Variants in DNAJC1 observed in about 807,000 individuals in gnomAD.
The protein encoded by DNAJC1 is dnaJ homolog subfamily C member 1.
DNAJC1 carries 58 observed loss-of-function variants against 76.6 expected under a neutral mutation model. The ratio of observed to expected loss-of-function variants is 0.76; its 90% CI spans 0.61 to 0.94. DNAJC1 has a LOEUF of 0.94. Ranked by LOEUF, DNAJC1 falls within the 40% of genes least tolerant of loss-of-function variation. The pLI is 0.00. For missense variants in DNAJC1, 689 were observed against 677.3 expected (o/e 1.02, Z -0.19); for synonymous variants, 258 against 267.9 (o/e 0.96, Z 0.36).
rs570812020 is a variant in DNAJC1, at chr10:21,926,673, G to A, written c.371+1833C>T. Among the ~76,000 whole-genome samples the A allele has an allele frequency of 6.1e-4, 93 of 152,266 alleles. 1 individual carries two copies. The highest frequency in any genetic ancestry group is 2.2e-3 in the African/African-American group (91 of 41,560). ...CTGGCCTCAGGCACAAGCTTTAGAG[G>A]AGTGATTCTTAGCTTCATTAGTTAA... On this transcript the variant is annotated intron_variant, in intron 3 of 11. Transcript: ENST00000376980.
chr10:21,818,090 G>A (rs185481574), intron 8 of DNAJC1, among the ~76,000 whole-genome samples: 139 of 152,280 alleles, frequency 9.1e-4, no homozygotes, highest in African/African-American at 2.5e-3. Context: ...CTGGTGAGCC[G>A]GGCGGAACAG....
intron 6 of DNAJC1, among the ~76,000 whole-genome samples, chr10:21,912,998 T>C (rs1189720018): frequency 6.6e-6 from 1 of 151,954 alleles, no homozygotes; most frequent in Non-Finnish European, 1.5e-5. Flanking sequence ...TTTTTTTTTT[T>C]TTTTTTAGGT....
intron 9 of DNAJC1, among the ~76,000 whole-genome samples, chr10:21,778,712 C>A (rs557654176): frequency 7.6e-4 from 116 of 152,256 alleles, no homozygotes; most frequent in African/African-American, 2.6e-3. Flanking sequence ...ATTGAGATAC[C>A]AGGTTCATCT....
chr10:21,774,439 T>TC (rs1834428481), intron 9 of DNAJC1, among the ~76,000 whole-genome samples: 1 of 152,216 alleles, frequency 6.6e-6, no homozygotes, highest in African/African-American at 2.4e-5. Context: ...CTACAGCCTT[T>TC]CATACACATT....
chr10:21,774,565 C>T (rs1331671048), intron 9 of DNAJC1, among the ~76,000 whole-genome samples: 5 of 152,350 alleles, frequency 3.3e-5, no homozygotes, highest in Admixed American at 6.5e-5. Context: ...AGCTCCGCCT[C>T]CTGGGTTCAT....
chr10:21,927,603 T>A (rs1837150445), intron 3 of DNAJC1, among the ~76,000 whole-genome samples: 2 of 152,058 alleles, frequency 1.3e-5, no homozygotes, highest in Admixed American at 6.5e-5. Context: ...TTTTAAAAAA[T>A]AAATAAATAA....
chr10:21,769,258 C>T (rs1297075875), intron 9 of DNAJC1, among the ~76,000 whole-genome samples: 1 of 152,152 alleles, frequency 6.6e-6, no homozygotes, highest in Non-Finnish European at 1.5e-5. Flanking sequence ...TAGAAACTGA[C>T]CACGCAACAA....
At chr10:21,887,526 T>A (rs1396860458) in intron 7 of DNAJC1, among the ~76,000 whole-genome samples, 1 of 152,022 alleles carries the variant, frequency 6.6e-6, no homozygotes, top group African/African-American at 2.4e-5. Context: ...ATGGTACTGG[T>A]ACAAAAACAG....
rs33953332 is a variant in DNAJC1 at position 21,849,292 on chromosome 10, C to CAAAA, written c.978+32986_978+32989dup. On this transcript the variant is annotated intron_variant, in intron 8 of 11. Transcript: ENST00000376980. ...TGGGTGACAGAGTGGGACTCCGCCT[C>CAAAA]AAAAAAAAAAAAAAAAAAAAAAAAA... Among the ~76,000 whole-genome samples, 62 of 35,852 alleles carry CAAAA rather than the reference C, an allele frequency of 1.7e-3. 11 individuals carry two copies. Among genetic ancestry groups the CAAAA allele is most frequent in the East Asian group, 0.012 (14 of 1,198 alleles). The allele number at this position is 35,852 out of a possible 152,430, so 23.5% of individuals were successfully genotyped here. A position where few individuals can be genotyped will look rare whatever the true frequency, so the allele number is the denominator to read the frequency against.
chr10:21,911,354 A>G (rs1836860636), intron 6 of DNAJC1, among the ~76,000 whole-genome samples: 1 of 152,162 alleles, frequency 6.6e-6, no homozygotes, highest in South Asian at 2.1e-4. Context: ...CAAATGCTCT[A>G]TATTGTTTTG....
chr10:21,768,891 A>G (rs372023396), intron 9 of DNAJC1, among the ~76,000 whole-genome samples: 20 of 152,152 alleles, frequency 1.3e-4, no homozygotes, highest in Non-Finnish European at 2.8e-4. Context: ...TCCATCAATT[A>G]CTTGCTTTCA....
At chr10:21,759,113 T>C in intron 11 of DNAJC1, 57 bp downstream of exon 11, 2 of 1,512,578 alleles carry the variant, frequency 1.3e-6, no homozygotes, top group East Asian at 4.5e-5. Flanking sequence ...AGACAAGCTG[T>C]GGCTCCTCTG....
At chr10:21,923,858 C>T (rs1837077334) in intron 3 of DNAJC1, among the ~76,000 whole-genome samples, 1 of 151,570 alleles carries the variant, frequency 6.6e-6, no homozygotes, top group Admixed American at 6.6e-5. Flanking sequence ...AAGTTACCAG[C>T]AGAAAAATGT....
intron 9 of DNAJC1, among the ~76,000 whole-genome samples, chr10:21,770,116 C>A (rs982766351): frequency 6.6e-6 from 1 of 152,160 alleles, no homozygotes; most frequent in African/African-American, 2.4e-5. Flanking sequence ...CCTTCCCCAA[C>A]GAGTTGCTTC....
At chr10:21,917,294 A>G (rs1836972988) in intron 6 of DNAJC1, among the ~76,000 whole-genome samples, 1 of 152,100 alleles carries the variant, frequency 6.6e-6, no homozygotes, top group Admixed American at 6.5e-5. Flanking sequence ...CCATAACAAT[A>G]TGTTGGTTCT....
At chr10:21,809,590 T>G (rs1222334961) in intron 8 of DNAJC1, among the ~76,000 whole-genome samples, 1 of 151,466 alleles carries the variant, frequency 6.6e-6, no homozygotes, top group African/African-American at 2.4e-5. Flanking sequence ...AACACATTAT[T>G]AGATATATAT....
Position 21,919,896 on chromosome 10 carries a change from T to C in DNAJC1, c.571A>G (p.Lys191Glu). 6.2e-7 allele frequency: 1 copy of C among 1,607,634 alleles called. No homozygotes were observed. Among genetic ancestry groups the C allele is most frequent in the Non-Finnish European group, 8.5e-7 (1 of 1,178,338 alleles). The change falls in exon 5 of 12, where the codon AAA (lysine) becomes GAA (glutamate). Residue 191 changes from lysine (K) to glutamate (E), a missense_variant. Lys to Glu is a moderately conservative substitution (Grantham distance 56). Coordinates refer to ENST00000376980, the MANE Select transcript of DNAJC1 (RefSeq NM_022365.4). ...ACACTCTTGCTGCCAGTCTTTTTTT[T>C]CTTTTCTCTCTTTTTTCTACTTAGT... ...ELLSRKKREK[K>E]KKTGSKSVDV... is the part of the protein sequence containing the mutation.
chr10:21,763,268 T>C lies in DNAJC1; in HGVS notation c.1147+2993A>G, dbSNP rs202179687. Among the ~76,000 whole-genome samples, 36 of 152,314 alleles carry C rather than the reference T, an allele frequency of 2.4e-4. No individual in the cohort carries two copies. In the East Asian group the frequency reaches 6.7e-3, roughly 29 times the overall value. On this transcript the variant is annotated intron_variant, in intron 10 of 11. Transcript: ENST00000376980. ...TCAAACGTCCTTTCTACAGCATAAATATCTTTCAAAACACTTTCACATTCA... is the reference window on the plus strand; with the variant it reads ...TCAAACGTCCTTTCTACAGCATAAACATCTTTCAAAACACTTTCACATTCA...
chr10:21,759,185 G>C lies in DNAJC1; in HGVS notation c.1581C>G (p.Val527=), dbSNP rs953397416. 6.8e-6 allele frequency: 11 copies of C among 1,613,824 alleles called. No homozygotes were observed. Among genetic ancestry groups the C allele is most frequent in the Non-Finnish European group, 9.3e-6 (11 of 1,179,880 alleles). Residue 527 remains valine, a synonymous_variant, in exon 11 of 12, where the codon GTC becomes GTG. Transcript: ENST00000376980. The part of the protein sequence containing the change: ...SDRWDKIARC[V]PSKSKEDCIA... ...CATCACTCACCTTGCTCTTGGACGGGACACATCTGGCTATTTTGTCCCAGC... is the reference window on the plus strand; with the variant it reads ...CATCACTCACCTTGCTCTTGGACGGCACACATCTGGCTATTTTGTCCCAGC...
Sources: allele counts gnomAD v4.1 joint callset (sites outside exome capture counted in the v4.1 genomes callset), GRCh38; gene constraint gnomAD v4.1.1; transcripts MANE v1.5; gene names NCBI Gene and HGNC (gene_info 2026-07-23, HGNC 2026-07-21).